ZC3H18: variants seen among roughly 807,000 people sequenced by gnomAD.
The protein encoded by ZC3H18 is zinc finger CCCH-type containing 18, also known as zinc finger CCCH domain-containing protein 18.
In ZC3H18, 8 loss-of-function variants were observed where a neutral mutation model predicts 106.1. That is an observed-to-expected ratio of 0.08 (90% CI 0.04 to 0.14). The LOEUF (loss-of-function observed/expected upper bound fraction) is 0.14, where lower values mean the gene tolerates loss of function less well. Ranked by LOEUF, ZC3H18 falls within the 10% of genes least tolerant of loss-of-function variation. The pLI is 1.00. For missense variants in ZC3H18, 1,318 were observed against 1,278.4 expected, an observed-to-expected ratio of 1.03 and a Z score of -0.47; for synonymous variants, 635 against 522.1, an observed-to-expected ratio of 1.22 and a Z score of -2.95.
At chr16:88,612,641 T>A (rs1905336963) in intron 8 of ZC3H18, among the ~76,000 whole-genome samples, 1 of 148,950 alleles carries the variant, frequency 6.7e-6, no homozygotes, top group South Asian at 2.1e-4. Flanking sequence ...ATCGCACGGC[T>A]GCACTCCAGC....
intron 3 of ZC3H18, among the ~76,000 whole-genome samples, chr16:88,588,911 A>G (rs1451527024): frequency 2.0e-5 from 3 of 152,016 alleles, no homozygotes; most frequent in Non-Finnish European, 4.4e-5. Flanking sequence ...CAGAAGCTAG[A>G]TAAGGCAGCA....
At chr16:88,595,026 C>T (rs948829611) in intron 3 of ZC3H18, among the ~76,000 whole-genome samples, 1 of 152,170 alleles carries the variant, frequency 6.6e-6, no homozygotes, top group African/African-American at 2.4e-5. Flanking sequence ...TGGTGCATGC[C>T]TGTAATTCCA....
intron 8 of ZC3H18, among the ~76,000 whole-genome samples, chr16:88,617,045 G>A (rs980859067): frequency 6.6e-6 from 1 of 152,152 alleles, no homozygotes; most frequent in Non-Finnish European, 1.5e-5. Flanking sequence ...GTAGAGTTGA[G>A]GGCCTCCCCC....
chr16:88,599,337 A>C (rs1431546833), intron 5 of ZC3H18, among the ~76,000 whole-genome samples: 3 of 151,746 alleles, frequency 2.0e-5, no homozygotes, highest in Non-Finnish European at 4.4e-5. Flanking sequence ...CCAGTGTGTG[A>C]GCTTCAGCTC....
intron 6 of ZC3H18, chr16:88,608,672 T>C (rs1389235392): frequency 4.2e-6 from 1 of 237,550 alleles, no homozygotes; most frequent in Non-Finnish European, 8.3e-6. Flanking sequence ...CCTCACTTCC[T>C]ATTTTCTTGA....
chr16:88,589,853 G>A (rs7202132), intron 3 of ZC3H18, among the ~76,000 whole-genome samples: 10,155 of 152,298 alleles, frequency 0.067, 460 homozygotes, highest in Middle Eastern at 0.099. Context: ...TTGGGGTGAT[G>A]GAATGTTCTA....
At chr16:88,623,166 G>T in intron 9 of ZC3H18, 53 bp from the exon 10 acceptor site, 1 of 1,591,406 alleles carries the variant, frequency 6.3e-7, no homozygotes, top group South Asian at 1.1e-5. Context: ...AGGGCGTGTG[G>T]GGCAGGGAGG....
intron 1 of ZC3H18, among the ~76,000 whole-genome samples, chr16:88,571,192 C>G (rs191217185): frequency 6.6e-6 from 1 of 152,212 alleles, no homozygotes; most frequent in Non-Finnish European, 1.5e-5. Flanking sequence ...CAGCCTTACT[C>G]CTGCCAAACA....
rs57632461 is a variant in ZC3H18, at chr16:88,590,564, C to CTTTTTTTTTTTTTT, written c.688+3883_688+3896dup. On this transcript the variant is annotated intron_variant, in intron 3 of 17. Transcript: ENST00000301011. ...TGTCCCACTTTGGGTTTCTTTATTT[C>CTTTTTTTTTTTTTT]TTTTTTTTTTTTTTTTGAGACAGTG... Among the ~76,000 whole-genome samples the CTTTTTTTTTTTTTT allele has an allele frequency of 2.1e-3, 207 of 100,624 alleles. 7 individuals carry two copies. The highest frequency in any genetic ancestry group is 3.0e-3 in the Non-Finnish European group (163 of 53,652). 66.0% of individuals were successfully genotyped at this position (100,624 alleles called of 152,430 possible). A position where few individuals can be genotyped will look rare whatever the true frequency, so the allele number is the denominator to read the frequency against.
intron 3 of ZC3H18, among the ~76,000 whole-genome samples, chr16:88,591,555 G>T (rs1388431728): frequency 6.7e-6 from 1 of 150,186 alleles, no homozygotes; most frequent in African/African-American, 2.5e-5. Flanking sequence ...CTGGGCAACA[G>T]AACGAGACTC....
Position 88,598,397 on chromosome 16 carries a change from A to G in ZC3H18, c.837+71A>G. 2.6e-6 allele frequency: 4 copies of G among 1,543,636 alleles called. No homozygotes were observed. The South Asian group carries it at 5.0e-5, about 19-fold the overall frequency. ...GCTGTGTCTGAATCTCAAGCTTAAG[A>G]CAAGTCACTGTGCCTTAGCACAGGC... On this transcript the variant is annotated intron_variant, in intron 4 of 17. Transcript: ENST00000301011.
intron 3 of ZC3H18, among the ~76,000 whole-genome samples, chr16:88,593,662 T>C (rs1904309434): frequency 6.6e-6 from 1 of 152,200 alleles, no homozygotes; most frequent in Non-Finnish European, 1.5e-5. Flanking sequence ...CGGCTGACCC[T>C]GTGCGCTCTC....
intron 17 of ZC3H18, 70 bp from the exon 18 acceptor site, chr16:88,631,031 C>T (rs964659900): frequency 3.3e-5 from 53 of 1,589,000 alleles, no homozygotes; most frequent in East Asian, 1.3e-4. Flanking sequence ...AGCGCCCCTA[C>T]GGGGAGGTCA....
chr16:88,593,561 C>G lies in ZC3H18; in HGVS notation c.689-4617C>G, dbSNP rs533738457. On this transcript the variant is annotated intron_variant, in intron 3 of 17. Transcript: ENST00000301011. ...CAGAGCTTCTGTGTGTGTCTCAGTA[C>G]TCAGCGTGGTGGAGTGGCAGCGTGG... Among the ~76,000 whole-genome samples the G allele has an allele frequency of 7.9e-5, 12 of 152,338 alleles. No individual in the cohort carries two copies. The South Asian group carries it at 2.5e-3, about 32-fold the overall frequency.
intron 13 of ZC3H18, chr16:88,625,548 C>G (rs1307329675): frequency 2.0e-5 from 9 of 461,248 alleles, no homozygotes; most frequent in Admixed American, 1.1e-4. Context: ...TGACTTGATG[C>G]CCAGCACCCT....
intron 1 of ZC3H18, among the ~76,000 whole-genome samples, chr16:88,574,583 G>C (rs192629670): frequency 6.7e-6 from 1 of 149,686 alleles, no homozygotes; most frequent in East Asian, 2.0e-4. Flanking sequence ...CTGAACTGCA[G>C]CCTCAACCTC....
intron 1 of ZC3H18, chr16:88,571,647 G>C (rs980092916): frequency 1.0e-6 from 1 of 985,396 alleles, no homozygotes; most frequent in Non-Finnish European, 1.2e-6. Flanking sequence ...AGAAAGCTTT[G>C]TGGAGTCACT....
chr16:88,631,000 G>A, intron 17 of ZC3H18, 101 bp from the exon 18 acceptor site: 6 of 1,457,854 alleles, frequency 4.1e-6, no homozygotes, highest in Non-Finnish European at 5.7e-6. Flanking sequence ...CTGTCCTGGT[G>A]GCCGCTGAGG....
At chr16:88,620,980 C>A (rs976433925) in intron 8 of ZC3H18, among the ~76,000 whole-genome samples, 2 of 152,076 alleles carry the variant, frequency 1.3e-5, no homozygotes, top group Non-Finnish European at 2.9e-5. Flanking sequence ...ATTCTCCTGC[C>A]CTCAGGCTCC....
Sources: allele counts gnomAD v4.1 joint callset (sites outside exome capture counted in the v4.1 genomes callset), GRCh38; gene constraint gnomAD v4.1.1; transcripts MANE v1.5; gene names NCBI Gene and HGNC (gene_info 2026-07-23, HGNC 2026-07-21).